Variants in SLC38A4 observed in about 807,000 individuals in gnomAD.
The protein encoded by SLC38A4 is solute carrier family 38 member 4, also known as sodium-coupled neutral amino acid transporter 4.
Under a neutral mutation model 63.1 loss-of-function variants are expected in SLC38A4, and 20 were observed. The observed-to-expected ratio is 0.32, with a 90% CI of 0.22 to 0.46. The LOEUF (loss-of-function observed/expected upper bound fraction) is 0.46, where lower values mean the gene tolerates loss of function less well. Ranked by LOEUF, SLC38A4 falls within the 20% of genes least tolerant of loss-of-function variation. The probability of loss-of-function intolerance (pLI) is 1.00; values close to 1 mark genes in which losing one functional copy is unlikely to be tolerated. For missense variants in SLC38A4, 526 were observed against 663.6 expected (o/e 0.79, Z 2.28); for synonymous variants, 230 against 225.5 (o/e 1.02, Z -0.18).
intron 5 of SLC38A4, 45 bp downstream of exon 5, chr12:46,787,871 A>G: frequency 7.2e-7 from 1 of 1,388,518 alleles, no homozygotes; most frequent in Non-Finnish European, 1.0e-6. Context: ...GCCACCAGGT[A>G]TGCATGGACT....
Position 46,779,872 on chromosome 12 carries a change from A to G in SLC38A4, c.576-10T>C. On this transcript the variant is annotated splice_polypyrimidine_tract_variant and intron_variant, in intron 8 of 16. Transcript: ENST00000266579. The stretch of plus-strand genomic sequence containing the variant: ...ATTGAGGTACCATTCTCTAGAAGTG[A>G]GAGACAAGGATATTAGAATCAGAAA... 6.2e-7 allele frequency: 1 copy of G among 1,611,488 alleles called. No homozygotes were observed. Among genetic ancestry groups the G allele is most frequent in the Non-Finnish European group, 8.5e-7 (1 of 1,178,336 alleles).
chr12:46,785,738 CTTTTTTTTTT>C (rs11335369), intron 5 of SLC38A4, among the ~76,000 whole-genome samples: 2,489 of 67,108 alleles, frequency 0.037, 58 homozygotes, highest in Middle Eastern at 0.24. Flanking sequence ...ACGAAAATTC[CTTTTTTTTTT>C]TTTTTTTTTT....
At chr12:46,815,280 TATATACACAC>T (rs1565677832) in intron 1 of SLC38A4, among the ~76,000 whole-genome samples, 2 of 90,450 alleles carry the variant, frequency 2.2e-5, no homozygotes, top group African/African-American at 4.4e-5. Context: ...TATATATATA[TATATACACAC>T]ACACACACAC....
intron 2 of SLC38A4, among the ~76,000 whole-genome samples, chr12:46,802,482 C>T (rs1939150577): frequency 6.6e-6 from 1 of 151,984 alleles, no homozygotes. Flanking sequence ...TTAAAGCACA[C>T]TGTATAACAT....
At chr12:46,820,055 T>C (rs1399251919) in intron 1 of SLC38A4, among the ~76,000 whole-genome samples, 1 of 151,896 alleles carries the variant, frequency 6.6e-6, no homozygotes, top group Non-Finnish European at 1.5e-5. Context: ...ATAAAACAAA[T>C]TATACATACT....
intron 3 of SLC38A4, among the ~76,000 whole-genome samples, chr12:46,791,858 T>C (rs1938895646): frequency 6.6e-6 from 1 of 151,978 alleles, no homozygotes; most frequent in Admixed American, 6.6e-5. Context: ...TCTTGAAGGA[T>C]GAGAGGTGTC....
At chr12:46,820,641 A>C (rs1482777412) in intron 1 of SLC38A4, among the ~76,000 whole-genome samples, 1 of 152,086 alleles carries the variant, frequency 6.6e-6, no homozygotes, top group African/African-American at 2.4e-5. Flanking sequence ...TGAACATAGG[A>C]GTGCAGGTAT....
chr12:46,829,374 G>T (rs1939700604), upstream of SLC38A4, among the ~76,000 whole-genome samples: 1 of 150,504 alleles, frequency 6.6e-6, no homozygotes, highest in Non-Finnish European at 1.5e-5. Context: ...ATATATTATT[G>T]TTTTGATGTA....
chr12:46,815,633 A>G (rs141983184), intron 1 of SLC38A4, among the ~76,000 whole-genome samples: 2 of 151,980 alleles, frequency 1.3e-5, no homozygotes, highest in Admixed American at 6.6e-5. Flanking sequence ...TAGGCACACA[A>G]TATTTTAAGG....
rs751708832 is a variant in SLC38A4 at position 46,776,992 on chromosome 12, TC to T, written c.1085del (p.Arg362LysfsTer27). The T allele has an allele frequency of 6.2e-7, 1 of 1,611,462 alleles. No homozygotes were observed. Among genetic ancestry groups the T allele is most frequent in the Non-Finnish European group, 8.5e-7 (1 of 1,178,470 alleles). On this transcript the variant is annotated frameshift_variant, in exon 13 of 17. Transcript: ENST00000266579. LOFTEE classifies it high-confidence loss of function. The part of the protein sequence containing the change: ...IYSELKDRSR[R>X]KMQTVSNISI... ...AAATATTTGACACCGTTTGCATTTT[TC>T]TCCGGGACCGACTGGAAAAAGAAAG...
upstream of SLC38A4, among the ~76,000 whole-genome samples, chr12:46,826,941 A>G (rs1939665266): frequency 6.6e-6 from 1 of 152,248 alleles, no homozygotes; most frequent in Admixed American, 6.5e-5. Flanking sequence ...ACAGAAAGAA[A>G]CATGTTTTCT....
At chr12:46,779,438 CT>C (rs577486288) in intron 10 of SLC38A4, among the ~76,000 whole-genome samples, 172 bp downstream of exon 10, 89 of 152,078 alleles carry the variant, frequency 5.9e-4, no homozygotes, top group South Asian at 1.2e-3. Context: ...CCTCAACTAT[CT>C]TTAAATCGTA....
chr12:46,817,292 T>C lies in SLC38A4; in HGVS notation c.-305+8611A>G, dbSNP rs186581288. Reference sequence around the variant, plus strand: ...GATAAACACATACCAGAGGAAATGTTTGGCCTTTTTCTATCAAGACATCCA... The same window carrying C: ...GATAAACACATACCAGAGGAAATGTCTGGCCTTTTTCTATCAAGACATCCA... On this transcript the variant is annotated intron_variant, in intron 1 of 16. Transcript: ENST00000266579. Among the ~76,000 whole-genome samples, 17 of 151,924 alleles carry C rather than the reference T, an allele frequency of 1.1e-4. No individual in the cohort carries two copies. The East Asian group carries it at 3.1e-3, about 28-fold the overall frequency.
intron 2 of SLC38A4, among the ~76,000 whole-genome samples, chr12:46,795,464 T>C (rs1938983947): frequency 6.6e-6 from 1 of 152,104 alleles, no homozygotes; most frequent in Non-Finnish European, 1.5e-5. Flanking sequence ...TTACCAAAAC[T>C]TTGAAAGCAA....
At chr12:46,794,242 A>C (rs748729322) in intron 2 of SLC38A4, among the ~76,000 whole-genome samples, 2 of 152,112 alleles carry the variant, frequency 1.3e-5, no homozygotes, top group Non-Finnish European at 2.9e-5. Flanking sequence ...CCATGGCAGT[A>C]CTTTTTTGAA....
chr12:46,782,320 T>C (rs1938660731), intron 7 of SLC38A4, among the ~76,000 whole-genome samples: 2 of 152,004 alleles, frequency 1.3e-5, no homozygotes, highest in South Asian at 4.1e-4. Flanking sequence ...AATCCAACTG[T>C]TCATCAATAA....
Position 46,765,010 on chromosome 12 carries a change from C to T in SLC38A4, c.*1691G>A, listed in dbSNP as rs1938267515. 6.6e-6 allele frequency: 1 copy of T among 152,556 alleles called. No homozygotes were observed. The highest frequency in any genetic ancestry group is 1.5e-5 in the Non-Finnish European group (1 of 68,012). The allele number at this position is 152,556 out of a possible 1,614,324, so 9.5% of individuals were successfully genotyped here. Reference sequence around the variant, plus strand: ...TTTGGCACTATAGGATGCTCTTGAACATTCAGAAGATACCTTTTTCCACTT... The same window carrying T: ...TTTGGCACTATAGGATGCTCTTGAATATTCAGAAGATACCTTTTTCCACTT... On this transcript the variant is annotated 3_prime_UTR_variant, in exon 17 of 17. Coordinates refer to ENST00000266579, the MANE Select transcript of SLC38A4 (RefSeq NM_018018.5).
At chr12:46,805,967 A>C (rs1939223213) in intron 1 of SLC38A4, among the ~76,000 whole-genome samples, 1 of 151,874 alleles carries the variant, frequency 6.6e-6, no homozygotes, top group Non-Finnish European at 1.5e-5. Context: ...ACTTAGTGTC[A>C]GCAGAACTGC....
chr12:46,782,002 G>T (rs911933902), intron 7 of SLC38A4, among the ~76,000 whole-genome samples: 1 of 151,910 alleles, frequency 6.6e-6, no homozygotes, highest in African/African-American at 2.4e-5. Context: ...TATGCATATG[G>T]CTCCAAACCA....
Sources: gnomAD v4.1 joint callset for allele counts (sites outside exome capture counted in the v4.1 genomes callset) on GRCh38, gnomAD v4.1.1 for gene constraint, MANE v1.5 for transcripts, NCBI Gene and HGNC (gene_info 2026-07-23, HGNC 2026-07-21) for gene names.